Variants in MRTFB observed in about 807,000 individuals in gnomAD.
MRTFB encodes the protein myocardin-related transcription factor B.
A neutral mutation model predicts 104.2 loss-of-function variants in MRTFB; 29 were observed. That is an observed-to-expected ratio of 0.28 (90% CI 0.21 to 0.38). MRTFB has a LOEUF of 0.38. Ranked by LOEUF, MRTFB falls within the 10% of genes least tolerant of loss-of-function variation. The probability of loss-of-function intolerance (pLI) is 1.00; values close to 1 mark genes in which losing one functional copy is unlikely to be tolerated. For missense variants in MRTFB, 1,270 were observed against 1,341.6 expected (o/e 0.95, Z 0.83); for synonymous variants, 535 against 519.5 (o/e 1.03, Z -0.41).
At chr16:14,040,039 C>T in the MRTFB span, among the ~76,000 whole-genome samples, 12 of 152,284 alleles carry the variant, frequency 7.9e-5, no homozygotes, top group South Asian at 6.2e-4. Flanking sequence ...TGAGCCACCG[C>T]GCCCAGCCGA....
the MRTFB span, among the ~76,000 whole-genome samples, chr16:13,998,796 T>TGGGA: frequency 7.4e-6 from 1 of 135,992 alleles, no homozygotes; most frequent in African/African-American, 2.7e-5. Flanking sequence ...TTCTTAAGCC[T>TGGGA]GGGAGGTTGA....
At chr16:14,090,721 T>G (rs974432289) in intron 2 of MRTFB, among the ~76,000 whole-genome samples, 4 of 152,204 alleles carry the variant, frequency 2.6e-5, no homozygotes, top group Non-Finnish European at 5.9e-5. Context: ...CTTCCTGCCA[T>G]GTATGCCAAG....
the MRTFB span, among the ~76,000 whole-genome samples, chr16:14,003,686 C>G: frequency 6.9e-6 from 1 of 144,124 alleles, no homozygotes; most frequent in South Asian, 2.3e-4. Flanking sequence ...TCCTTCCTTC[C>G]TCTACACTTC....
chr16:14,186,591 G>A (rs1273296852), intron 3 of MRTFB: 10 of 603,402 alleles, frequency 1.7e-5, no homozygotes, highest in African/African-American at 4.0e-5. Flanking sequence ...AGTCCCCAGC[G>A]CGGGGGAAGC....
At chr16:14,111,832 C>CA (rs2036284140) in intron 2 of MRTFB, among the ~76,000 whole-genome samples, 1 of 152,086 alleles carries the variant, frequency 6.6e-6, no homozygotes, top group African/African-American at 2.4e-5. Flanking sequence ...GCTTTGCTTC[C>CA]AAATGCTGAA....
chr16:14,079,148 T>G (rs1432611792), intron 1 of MRTFB, 142 bp from the exon 2 acceptor site: 1 of 293,634 alleles, frequency 3.4e-6, no homozygotes, highest in Non-Finnish European at 6.2e-6. Flanking sequence ...ATTTTTACTT[T>G]CCTTCCTGAC....
At chr16:14,173,360 A>G (rs969095379) in intron 3 of MRTFB, among the ~76,000 whole-genome samples, 1 of 152,090 alleles carries the variant, frequency 6.6e-6, no homozygotes, top group African/African-American at 2.4e-5. Flanking sequence ...CTGTCTTTCT[A>G]TTTGCCCTAC....
At chr16:14,211,691 A>T (rs1417782420) in intron 4 of MRTFB, among the ~76,000 whole-genome samples, 2 of 152,346 alleles carry the variant, frequency 1.3e-5, no homozygotes, top group South Asian at 4.1e-4. Context: ...AGCAGGTAGC[A>T]TATTAAGGAG....
chr16:14,211,952 A>G (rs1766098406), intron 4 of MRTFB, among the ~76,000 whole-genome samples: 1 of 152,176 alleles, frequency 6.6e-6, no homozygotes, highest in Non-Finnish European at 1.5e-5. Flanking sequence ...TGTTGGACAC[A>G]AAGTGCAGTG....
chr16:14,098,761 G>A (rs2035534553), intron 2 of MRTFB, among the ~76,000 whole-genome samples: 1 of 152,166 alleles, frequency 6.6e-6, no homozygotes, highest in African/African-American at 2.4e-5. Context: ...GTTGTTGCAT[G>A]TGGTGAAAGA....
At chr16:14,199,106 CCTGA>C (rs1265842664) in intron 3 of MRTFB, among the ~76,000 whole-genome samples, 2 of 152,226 alleles carry the variant, frequency 1.3e-5, no homozygotes, top group Non-Finnish European at 2.9e-5. Flanking sequence ...CCTCCTCCAA[CCTGA>C]CTTACATCCA....
At chr16:14,216,818 C>A (rs914931423) in intron 6 of MRTFB, among the ~76,000 whole-genome samples, 1 of 152,128 alleles carries the variant, frequency 6.6e-6, no homozygotes, top group African/African-American at 2.4e-5. Context: ...TCCCCAATAC[C>A]TAGTAAATGT....
intron 2 of MRTFB, among the ~76,000 whole-genome samples, chr16:14,086,972 G>A (rs1422933118): frequency 2.0e-5 from 3 of 152,136 alleles, no homozygotes; most frequent in African/African-American, 4.8e-5. Flanking sequence ...GACTGGCAGG[G>A]GAAGTAGTCG....
In MRTFB at chr16:14,093,934, A is replaced by G. The variant is rs551065431; in HGVS notation, c.-64+14580A>G. ...AAAAAGAATTAAAAATGTATCTAAC[A>G]TAATATAGCTTTTTCTATTTTCTGA... On this transcript the variant is annotated intron_variant, in intron 2 of 16. Transcript: ENST00000571589. Among the ~76,000 whole-genome samples the G allele has an allele frequency of 5.8e-4, 88 of 152,374 alleles. 1 individual carries two copies. The highest frequency in any genetic ancestry group is 2.0e-3 in the African/African-American group (85 of 41,596).
intron 3 of MRTFB, chr16:14,152,364 C>T (rs866483683): frequency 3.3e-5 from 5 of 151,818 alleles, no homozygotes; most frequent in African/African-American, 9.7e-5. Context: ...ATATGTTTTA[C>T]AATGACCTTT....
At chr16:14,096,690 A>G (rs1311948771) in intron 2 of MRTFB, among the ~76,000 whole-genome samples, 1 of 152,258 alleles carries the variant, frequency 6.6e-6, no homozygotes, top group African/African-American at 2.4e-5. Context: ...TACTTGGTCT[A>G]TAGAATTCTC....
At chr16:14,249,230 T>C in intron 13 of MRTFB, 149 bp downstream of exon 13, 1 of 909,582 alleles carries the variant, frequency 1.1e-6, no homozygotes. Flanking sequence ...TTAGGTCAGA[T>C]GCCATTTGGC....
chr16:14,162,153 A>C lies in MRTFB; in HGVS notation c.154+21393A>C, dbSNP rs961384988. 4.9e-5 allele frequency among the ~76,000 whole-genome samples: 4 copies of C among 80,956 alleles called. No individual in the cohort carries two copies. In the African/African-American group the frequency reaches 7.3e-4, roughly 15 times the overall value. The allele number at this position is 80,956 out of a possible 152,430, so 53.1% of individuals were successfully genotyped here. On this transcript the variant is annotated intron_variant, in intron 3 of 16. Transcript: ENST00000571589. ...CAACATAGGGAGACCCTGTCTCTACAAAAAAAAAAAAAAAAAAAAAATTAT... is the reference window on the plus strand; with the variant it reads ...CAACATAGGGAGACCCTGTCTCTACCAAAAAAAAAAAAAAAAAAAAATTAT...
At chr16:14,002,493 A>T in the MRTFB span, among the ~76,000 whole-genome samples, 3 of 150,426 alleles carry the variant, frequency 2.0e-5, no homozygotes, top group African/African-American at 7.3e-5. Flanking sequence ...AATTAGAAAG[A>T]GAATAACTTC....
Sources: gnomAD v4.1 joint callset for allele counts (sites outside exome capture counted in the v4.1 genomes callset) on GRCh38, gnomAD v4.1.1 for gene constraint, MANE v1.5 for transcripts, NCBI Gene and HGNC (gene_info 2026-07-23, HGNC 2026-07-21) for gene names.